CENPP: variants seen among roughly 807,000 people sequenced by gnomAD.
The protein encoded by CENPP is centromere protein P.
CENPP carries 24 observed loss-of-function variants against 35.6 expected under a neutral mutation model. The observed-to-expected ratio is 0.67, with a 90% CI of 0.49 to 0.95. The LOEUF is 0.95. Among genes scored for constraint, CENPP ranks in the 40% least tolerant of loss-of-function variants. The probability of loss-of-function intolerance (pLI) is 0.00; values close to 1 mark genes in which losing one functional copy is unlikely to be tolerated. For synonymous variants in CENPP, 120 were observed against 125.5 expected (o/e 0.96, Z 0.29); for missense variants, 332 against 345.3 (o/e 0.96, Z 0.31).
chr9:92,537,748 G>T (rs563819576), intron 5 of CENPP, among the ~76,000 whole-genome samples: 3 of 152,160 alleles, frequency 2.0e-5, no homozygotes, highest in Non-Finnish European at 4.4e-5. Context: ...AATGTCAGTG[G>T]TCAATAAAAC....
At chr9:92,597,451 A>G (rs757777925) in intron 5 of CENPP, among the ~76,000 whole-genome samples, 2 of 152,214 alleles carry the variant, frequency 1.3e-5, no homozygotes, top group Non-Finnish European at 2.9e-5. Context: ...ATTAGTTTCA[A>G]TGTTTTTAGA....
chr9:92,385,909 T>G (rs532067629), intron 5 of CENPP: 2 of 892,592 alleles, frequency 2.2e-6, no homozygotes, highest in African/African-American at 3.4e-5. Context: ...CAAATCCTTG[T>G]GTCAAATTAA....
rs377078371 is a variant in CENPP, at chr9:92,615,818, C to A, written c.*2669C>A. The A allele has an allele frequency of 3.2e-6, 5 of 1,581,034 alleles. No individual in the cohort carries two copies. Among genetic ancestry groups the A allele is most frequent in the South Asian group, 1.1e-5 (1 of 90,370 alleles). ...ACATTATGTTCAAGTTTCAAAGACA[C>A]TGCAGGGAAAGAGTTAGACCTTGTG... On this transcript the variant is annotated 3_prime_UTR_variant, in exon 8 of 8. Transcript: ENST00000375587.
intron 5 of CENPP, among the ~76,000 whole-genome samples, chr9:92,546,271 G>T (rs1017367616): frequency 6.6e-6 from 1 of 152,196 alleles, no homozygotes; most frequent in Middle Eastern, 3.2e-3. Flanking sequence ...CAGGATGTGG[G>T]TGGGGCCAGA....
intron 5 of CENPP, among the ~76,000 whole-genome samples, chr9:92,438,995 C>T (rs950577680): frequency 6.6e-6 from 1 of 152,164 alleles, no homozygotes; most frequent in Admixed American, 6.5e-5. Context: ...TTTGTTATTG[C>T]TACGTGGTAT....
chr9:92,484,983 A>G (rs1309014395), intron 5 of CENPP, among the ~76,000 whole-genome samples: 1 of 152,212 alleles, frequency 6.6e-6, no homozygotes, highest in Non-Finnish European at 1.5e-5. Flanking sequence ...GGTTAGGGGT[A>G]GTATATTTGG....
At chr9:92,425,110 G>A (rs1274265917) in intron 5 of CENPP, among the ~76,000 whole-genome samples, 1 of 152,174 alleles carries the variant, frequency 6.6e-6, no homozygotes, top group Non-Finnish European at 1.5e-5. Context: ...GCACTTGATT[G>A]TCATTGCTTA....
Position 92,618,573 on chromosome 9 carries a change from G to A in CENPP, c.*5424G>A, listed in dbSNP as rs532632490. ...GTATCTTCGTGGGTTTTCTCTCATC[G>A]AACACCACCAGCTTAATCCAGTTAA... On this transcript the variant is annotated 3_prime_UTR_variant, in exon 8 of 8. Coordinates refer to ENST00000375587, the MANE Select transcript of CENPP (RefSeq NM_001012267.3). 1.9e-3 allele frequency: 852 copies of A among 456,668 alleles called. 15 individuals carry two copies. Among genetic ancestry groups the A allele is most frequent in the South Asian group, 0.013 (829 of 64,564 alleles). 28.3% of individuals were successfully genotyped at this position (456,668 alleles called of 1,614,324 possible).
At chr9:92,590,493 A>G (rs947537706) in intron 5 of CENPP, among the ~76,000 whole-genome samples, 1 of 152,222 alleles carries the variant, frequency 6.6e-6, no homozygotes, top group Non-Finnish European at 1.5e-5. Flanking sequence ...TTTGTCTTTA[A>G]GAAAGAAGCT....
chr9:92,443,816 C>T (rs141933367), intron 5 of CENPP, among the ~76,000 whole-genome samples: 118 of 152,174 alleles, frequency 7.8e-4, no homozygotes, highest in African/African-American at 2.6e-3. Context: ...CACACCACCA[C>T]GCCCAGCTAA....
intron 5 of CENPP, chr9:92,600,553 G>A: frequency 1.2e-6 from 2 of 1,612,256 alleles, no homozygotes; most frequent in South Asian, 1.1e-5. Context: ...TGGGGCACAT[G>A]GAGAATGTTT....
rs987246671 is a variant in CENPP at position 92,540,285 on chromosome 9, A to C, written c.565-71029A>C. 4.6e-5 allele frequency among the ~76,000 whole-genome samples: 7 copies of C among 152,236 alleles called. No individual in the cohort carries two copies. The South Asian group carries it at 1.2e-3, about 27-fold the overall frequency. On this transcript the variant is annotated intron_variant, in intron 5 of 7. Transcript: ENST00000375587. ...AACCCTGTCTCTACTAAAAATACAA[A>C]AACTTAGCCAGGCAAGGTGGCATGC...
intron 5 of CENPP, among the ~76,000 whole-genome samples, chr9:92,552,006 A>G (rs950138657): frequency 3.2e-4 from 47 of 145,372 alleles, no homozygotes; most frequent in Admixed American, 5.5e-4. Context: ...ATATATGTGT[A>G]TATATATGAT....
intron 5 of CENPP, among the ~76,000 whole-genome samples, chr9:92,465,810 C>T (rs1239865583): frequency 1.3e-5 from 2 of 151,522 alleles, no homozygotes; most frequent in African/African-American, 4.8e-5. Context: ...GAAACAGAAA[C>T]CACGCTAAGT....
intron 5 of CENPP, among the ~76,000 whole-genome samples, chr9:92,395,070 G>A (rs1027686861): frequency 1.1e-4 from 16 of 151,706 alleles, no homozygotes; most frequent in Admixed American, 3.3e-4. Flanking sequence ...AATTAATTGC[G>A]TGTATTTAAA....
At chr9:92,494,146 A>G in intron 5 of CENPP, 1 of 1,597,410 alleles carries the variant, frequency 6.3e-7, no homozygotes, top group African/African-American at 1.3e-5. Context: ...CATCTGAAAC[A>G]CAGCTGAATA....
intron 5 of CENPP, among the ~76,000 whole-genome samples, chr9:92,429,638 T>G (rs1397234186): frequency 1.3e-5 from 2 of 152,002 alleles, no homozygotes; most frequent in African/African-American, 4.8e-5. Context: ...AATACAAAAA[T>G]TAGCCGAGCG....
intron 5 of CENPP, among the ~76,000 whole-genome samples, chr9:92,540,040 G>T (rs1257557750): frequency 6.6e-6 from 1 of 152,150 alleles, no homozygotes; most frequent in Non-Finnish European, 1.5e-5. Flanking sequence ...TTTTGAATGG[G>T]TAATACATAT....
chr9:92,470,894 G>T lies in CENPP; in HGVS notation c.564+91035G>T, dbSNP rs1262625106. The T allele has an allele frequency of 7.2e-6, 5 of 692,112 alleles. No homozygotes were observed. The African/African-American group carries it at 9.4e-5, about 13-fold the overall frequency. 42.9% of individuals were successfully genotyped at this position (692,112 alleles called of 1,614,324 possible). A position where few individuals can be genotyped will look rare whatever the true frequency, so the allele number is the denominator to read the frequency against. ...CCATGATTATCATCAAGTTACAGAT[G>T]ACTTAACAGTCATAACAGATGACAA... On this transcript the variant is annotated intron_variant, in intron 5 of 7. Coordinates refer to ENST00000375587, the MANE Select transcript of CENPP (RefSeq NM_001012267.3).
Sources: gnomAD v4.1 joint callset for allele counts (sites outside exome capture counted in the v4.1 genomes callset) on GRCh38, gnomAD v4.1.1 for gene constraint, MANE v1.5 for transcripts, NCBI Gene and HGNC (gene_info 2026-07-23, HGNC 2026-07-21) for gene names.